The following CHD5 variants were observed in gnomAD, a reference collection of about 807,000 sequenced individuals.
CHD5 encodes the protein chromodomain helicase DNA binding protein 5, also known as ATP-dependent chromatin remodeler CHD5.
A neutral mutation model predicts 230.3 loss-of-function variants in CHD5; 69 were observed. That is an observed-to-expected ratio of 0.30 (90% confidence interval 0.25 to 0.37). The LOEUF (loss-of-function observed/expected upper bound fraction) is 0.37, where lower values mean the gene tolerates loss of function less well. Ranked by LOEUF, CHD5 falls within the 10% of genes least tolerant of loss-of-function variation. The pLI is 1.00. For synonymous variants in CHD5, 1,064 were observed against 1,065.9 expected, an observed-to-expected ratio of 1.00 and a Z score of 0.03; for missense variants, 1,827 against 2,622.8, an observed-to-expected ratio of 0.70 and a Z score of 6.63.
chr1:6,111,135 C>T (rs1557536270), intron 36 of CHD5, among the ~76,000 whole-genome samples: 1 of 150,928 alleles, frequency 6.6e-6, no homozygotes, highest in Non-Finnish European at 1.5e-5. Flanking sequence ...GAGGCTGAGG[C>T]AGAAGAATCA....
In CHD5 at chr1:6,125,251, G is replaced by A. The variant is rs374186349; in HGVS notation, c.4261-18C>T. ...CCCAGCACCTGGGCGAGTGGAGCGT[G>A]GGAGTATGAGCCCAGGACAGAGAGG... is the stretch of plus-strand genomic sequence containing the variant. On this transcript the variant is annotated intron_variant, in intron 28 of 41. Coordinates refer to ENST00000262450, the MANE Select transcript of CHD5 (RefSeq NM_015557.3). The surrounding 1 kb of genome is among the most constrained non-coding windows in gnomAD (Gnocchi z 6.7). 3 of 1,595,866 alleles carry A rather than the reference G, an allele frequency of 1.9e-6. No individual in the cohort carries two copies. The highest frequency in any genetic ancestry group is 1.3e-5 in the African/African-American group (1 of 74,822).
rs1667283080 is a variant in CHD5, at chr1:6,168,141, G to A, written c.207+9C>T. On this transcript the variant is annotated intron_variant, in intron 2 of 41. Coordinates refer to ENST00000262450, the MANE Select transcript of CHD5 (RefSeq NM_015557.3). The stretch of plus-strand genomic sequence containing the variant: ...CCCCAAGCTCGCCGGCGCAGGTGCT[G>A]CCCCTCACCTCTTTCTTCTTCCGCT... 6.9e-6 allele frequency: 11 copies of A among 1,596,876 alleles called. No individual in the cohort carries two copies. The highest frequency in any genetic ancestry group is 9.4e-6 in the Non-Finnish European group (11 of 1,167,430).
intron 25 of CHD5, among the ~76,000 whole-genome samples, chr1:6,127,439 C>T (rs1466386757): frequency 6.6e-6 from 1 of 151,816 alleles, no homozygotes; most frequent in African/African-American, 2.4e-5. Flanking sequence ...TGAGCTGATA[C>T]TGCGCCACTG....
chr1:6,126,807 A>G lies in CHD5; in HGVS notation c.3904-61T>C. The G allele has an allele frequency of 1.3e-6, 2 of 1,538,672 alleles. No homozygotes were observed. The highest frequency in any genetic ancestry group is 1.2e-5 in the South Asian group (1 of 83,358). On this transcript the variant is annotated intron_variant, in intron 25 of 41. Transcript: ENST00000262450. This position sits in a 1 kb window ranked among gnomAD's most constrained non-coding sequence, Gnocchi z 5.7. ...CCATCTCTGCCCTCCCGGAAGCCTCAGGCTGCCTCCACCTGACCTGCCCTT... is the reference window on the plus strand; with the variant it reads ...CCATCTCTGCCCTCCCGGAAGCCTCGGGCTGCCTCCACCTGACCTGCCCTT...
rs575170679 is a variant in CHD5 at position 6,150,753 on chromosome 1, A to G, written c.994+279T>C. 3.3e-5 allele frequency among the ~76,000 whole-genome samples: 5 copies of G among 152,228 alleles called. No homozygotes were observed. In the South Asian group the frequency reaches 6.2e-4, roughly 19 times the overall value. On this transcript the variant is annotated intron_variant, in intron 7 of 41. Transcript: ENST00000262450. ...TTCCCTCTCCAGTCACCACACTGCT[A>G]ATGCAAATGCCCTGGGGTAGCTCCC...
intron 30 of CHD5, 102 bp from the exon 31 acceptor site, chr1:6,124,209 G>A: frequency 8.6e-7 from 1 of 1,168,912 alleles, no homozygotes. Flanking sequence ...AAGTGTCACA[G>A]GCTTGGGGTA....
Position 6,101,969 on chromosome 1 carries a change from C to A in CHD5, c.*3505G>T. The A allele has an allele frequency of 4.7e-6, 2 of 423,082 alleles. No individual in the cohort carries two copies. The highest frequency in any genetic ancestry group is 9.6e-6 in the Non-Finnish European group (2 of 208,586). 26.2% of individuals were successfully genotyped at this position (423,082 alleles called of 1,614,324 possible). ...GCTGGACCCGCCCCCGCCGGGGCCA[C>A]CCTGGCTGGGACTCCTGGCGCGCCT... On this transcript the variant is annotated 3_prime_UTR_variant, in exon 42 of 42. Coordinates refer to ENST00000262450, the MANE Select transcript of CHD5 (RefSeq NM_015557.3).
intron 20 of CHD5, among the ~76,000 whole-genome samples, chr1:6,132,605 C>T (rs1374062563): frequency 6.6e-6 from 1 of 152,142 alleles, no homozygotes; most frequent in Non-Finnish European, 1.5e-5. Flanking sequence ...TCCATGTTCT[C>T]CCTGTTTTAT....
rs552646596 is a variant in CHD5 at position 6,134,123 on chromosome 1, C to T, written c.3144+5G>A. ...CCGGGGCGGGGGTGGGCAGGGGCAG[C>T]GCACCTGGGAGAAGATGAGCACACG... On this transcript the variant is annotated splice_donor_5th_base_variant and intron_variant, in intron 20 of 41. Coordinates refer to ENST00000262450, the MANE Select transcript of CHD5 (RefSeq NM_015557.3). This position sits in a 1 kb window ranked among gnomAD's most constrained non-coding sequence, Gnocchi z 6.3. 35 of 1,610,796 alleles carry T rather than the reference C, an allele frequency of 2.2e-5. No individual in the cohort carries two copies. The highest frequency in any genetic ancestry group is 8.8e-5 in the South Asian group (8 of 91,058).
chr1:6,162,754 C>T (rs1265953715), intron 2 of CHD5, among the ~76,000 whole-genome samples: 5 of 152,206 alleles, frequency 3.3e-5, no homozygotes, highest in Non-Finnish European at 2.9e-5. Flanking sequence ...CCAAGCTCAC[C>T]CCCACATTTT....
intron 33 of CHD5, among the ~76,000 whole-genome samples, chr1:6,119,006 A>G (rs1666420273): frequency 6.6e-6 from 1 of 151,550 alleles, no homozygotes; most frequent in African/African-American, 2.4e-5. Context: ...CCTGAATGGT[A>G]TACTTTAAAT....
chr1:6,102,585 C>T lies in CHD5; in HGVS notation c.*2889G>A, dbSNP rs3810990. 0.095 allele frequency: 14,548 copies of T among 152,350 alleles called. 1,012 individuals are homozygous for T. Among genetic ancestry groups the T allele is most frequent in the East Asian group, 0.35 (1,832 of 5,162 alleles). The allele number at this position is 152,350 out of a possible 1,614,324, so 9.4% of individuals were successfully genotyped here. A position where few individuals can be genotyped will look rare whatever the true frequency, so the allele number is the denominator to read the frequency against. Reference sequence around the variant, plus strand: ...GTACCCGAGCCCACTCTCCACTCCACCTCCTTGGGCCTCAAGTGTCCTGGG... The same window carrying T: ...GTACCCGAGCCCACTCTCCACTCCATCTCCTTGGGCCTCAAGTGTCCTGGG... On this transcript the variant is annotated 3_prime_UTR_variant, in exon 42 of 42. Coordinates refer to ENST00000262450, the MANE Select transcript of CHD5 (RefSeq NM_015557.3).
At chr1:6,153,223 G>A (rs1039027292) in intron 5 of CHD5, among the ~76,000 whole-genome samples, 15 of 152,202 alleles carry the variant, frequency 9.9e-5, no homozygotes, top group Non-Finnish European at 1.9e-4. Flanking sequence ...ATGGCGCCGC[G>A]GAAAATCTAT....
chr1:6,102,100 C>T lies in CHD5; in HGVS notation c.*3374G>A, dbSNP rs767273875. On this transcript the variant is annotated 3_prime_UTR_variant, in exon 42 of 42. Coordinates refer to ENST00000262450, the MANE Select transcript of CHD5 (RefSeq NM_015557.3). The stretch of plus-strand genomic sequence containing the variant: ...GGGCCGGTGGAGTCTGCTCCCTCCA[C>T]ACCCCTGAACTCAGACCCCACGGGC... The T allele has an allele frequency of 2.8e-6, 1 of 363,112 alleles. No individual in the cohort carries two copies. Among genetic ancestry groups the T allele is most frequent in the South Asian group, 2.0e-5 (1 of 50,942 alleles). 22.5% of individuals were successfully genotyped at this position (363,112 alleles called of 1,614,324 possible).
chr1:6,128,562 G>C lies in CHD5; in HGVS notation c.3667C>G (p.Gln1223Glu), dbSNP rs748432869. ...QRPVTPIPDVQSSKGGNLAAS... is the reference protein window; with the variant it reads ...QRPVTPIPDVESSKGGNLAAS... The stretch of plus-strand genomic sequence containing the variant: ...GCCAAGTTCCCCCCTTTGGAGGACT[G>C]GACATCAGGGATGGGTGTGACCGGC... The change falls in exon 24 of 42, where the codon CAG becomes GAG. Residue 1223 changes from glutamine (Q) to glutamate (E), a missense_variant. Around this residue, in one of 14 missense-constraint regions of CHD5, gnomAD observed 25 missense variants for 20.3 expected, o/e 1.23. Coordinates refer to ENST00000262450, the MANE Select transcript of CHD5 (RefSeq NM_015557.3). The surrounding 1 kb of genome is among the most constrained non-coding windows in gnomAD (Gnocchi z 7.8). 7.4e-6 allele frequency: 12 copies of C among 1,614,028 alleles called. No homozygotes were observed. Among genetic ancestry groups the C allele is most frequent in the Non-Finnish European group, 1.0e-5 (12 of 1,180,022 alleles).
chr1:6,154,738 A>C lies in CHD5; in HGVS notation c.667T>G (p.Ser223Ala), dbSNP rs772696978. 8.1e-6 allele frequency: 13 copies of C among 1,609,492 alleles called. No homozygotes were observed. Among genetic ancestry groups the C allele is most frequent in the Non-Finnish European group, 9.3e-6 (11 of 1,178,476 alleles). Residue 223 changes from serine to alanine, a missense_variant, in exon 5 of 42, where the codon TCC becomes GCC. Coordinates refer to ENST00000262450, the MANE Select transcript of CHD5 (RefSeq NM_015557.3). The surrounding 1 kb of genome is among the most constrained non-coding windows in gnomAD (Gnocchi z 7.0). ...VAAAVETVTI[S>A]PPLAVSPPQV... The stretch of plus-strand genomic sequence containing the variant: ...GGGGGGCTGACGGCTAGCGGAGGGG[A>C]GATGGTGACCGTCTCTACAGCCGCA...
At chr1:6,160,726 A>G (rs1174232976) in intron 2 of CHD5, among the ~76,000 whole-genome samples, 2 of 152,262 alleles carry the variant, frequency 1.3e-5, no homozygotes, top group Non-Finnish European at 2.9e-5. Flanking sequence ...CTTCCTCTCC[A>G]TATGAGACAA....
rs1015166899 is a variant in CHD5, at chr1:6,154,061, C to A, written c.745+599G>T. On this transcript the variant is annotated intron_variant, in intron 5 of 41. Coordinates refer to ENST00000262450, the MANE Select transcript of CHD5 (RefSeq NM_015557.3). The surrounding 1 kb of genome is among the most constrained non-coding windows in gnomAD (Gnocchi z 7.0). Reference sequence around the variant, plus strand: ...ATTTGGATCTCGATCTCCTTCCAGGCCTGTCCCAGAACAGCCTCCCTGGGA... The same window carrying A: ...ATTTGGATCTCGATCTCCTTCCAGGACTGTCCCAGAACAGCCTCCCTGGGA... 2.6e-5 allele frequency among the ~76,000 whole-genome samples: 4 copies of A among 152,174 alleles called. No homozygotes were observed. Among genetic ancestry groups the A allele is most frequent in the Middle Eastern group, 6.3e-3 (2 of 316 alleles).
intron 2 of CHD5, among the ~76,000 whole-genome samples, chr1:6,165,998 C>A (rs1667247386): frequency 6.6e-6 from 1 of 151,998 alleles, no homozygotes; most frequent in Admixed American, 6.5e-5. Flanking sequence ...CTCCACAGAC[C>A]CGGGTTCCCC....
Sources: gnomAD v4.1 joint callset for allele counts (sites outside exome capture counted in the v4.1 genomes callset) on GRCh38, gnomAD v4.1.1 for gene constraint, gnomAD v4.1.1 regional missense constraint, Gnocchi (gnomAD v3.1) non-coding constraint, MANE v1.5 for transcripts, NCBI Gene and HGNC (gene_info 2026-07-23, HGNC 2026-07-21) for gene names.